Variants in NALCN observed in about 807,000 individuals in gnomAD.
The protein encoded by NALCN is sodium leak channel NALCN.
NALCN carries 111 observed loss-of-function variants against 225.3 expected under a neutral mutation model. The ratio of observed to expected loss-of-function variants is 0.49; its 90% CI spans 0.42 to 0.58. The LOEUF (loss-of-function observed/expected upper bound fraction) is 0.58. NALCN is among the 20% of genes least tolerant of loss of function. The pLI is 0.00. For synonymous variants in NALCN, 764 were observed against 769.0 expected, an observed-to-expected ratio of 0.99 and a Z score of 0.11; for missense variants, 1,378 against 2,202.4, an observed-to-expected ratio of 0.63 and a Z score of 7.49.
intron 40 of NALCN, among the ~76,000 whole-genome samples, chr13:101,062,594 C>T (rs2032043782): frequency 6.6e-6 from 1 of 151,954 alleles, no homozygotes; most frequent in African/African-American, 2.4e-5. Context: ...TCTGTATCTT[C>T]CTTATTAATT....
chr13:101,356,603 T>C (rs1003376227), intron 6 of NALCN, among the ~76,000 whole-genome samples: 1 of 151,962 alleles, frequency 6.6e-6, no homozygotes, highest in Non-Finnish European at 1.5e-5. Context: ...CTACCAGAGG[T>C]ACAAAGAGGA....
At chr13:101,111,345 A>G (rs2035426199) in intron 18 of NALCN, 119 bp from the exon 19 acceptor site, 2 of 734,650 alleles carry the variant, frequency 2.7e-6, no homozygotes, top group Non-Finnish European at 4.2e-6. Context: ...CACAAAATAC[A>G]GCAAATAACG....
intron 18 of NALCN, among the ~76,000 whole-genome samples, chr13:101,114,435 CTCT>C (rs2035602043): frequency 6.6e-6 from 1 of 152,148 alleles, no homozygotes; most frequent in South Asian, 2.1e-4. Context: ...TTCTCTCTCT[CTCT>C]CTCTCTCTCT....
At chr13:101,312,073 C>T (rs2044367601) in intron 7 of NALCN, among the ~76,000 whole-genome samples, 1 of 152,124 alleles carries the variant, frequency 6.6e-6, no homozygotes, top group Admixed American at 6.5e-5. Context: ...TCAACTTCTT[C>T]CTGGTTTAGT....
intron 6 of NALCN, chr13:101,373,099 T>C: frequency 5.2e-6 from 2 of 384,428 alleles, no homozygotes; most frequent in South Asian, 4.1e-5. Flanking sequence ...GGTAAGCTCT[T>C]TGAAAAGCAA....
At chr13:101,183,317 G>T (rs960761602) in intron 14 of NALCN, among the ~76,000 whole-genome samples, 15 of 152,130 alleles carry the variant, frequency 9.9e-5, no homozygotes, top group African/African-American at 2.7e-4. Flanking sequence ...ATTTTACAGG[G>T]ACTTGCCACA....
At position 101,067,195 on chromosome 13, in the gene NALCN, G is replaced by C. The variant is rs544251610; in HGVS notation, c.4446+723C>G. Among the ~76,000 whole-genome samples, 574 of 148,868 alleles carry C rather than the reference G, an allele frequency of 3.9e-3. 1 individual carries two copies. Among genetic ancestry groups the C allele is most frequent in the Non-Finnish European group, 6.9e-3 (463 of 67,290 alleles). On this transcript the variant is annotated intron_variant, in intron 39 of 43. Transcript: ENST00000251127. ...ACAGGAGGAAGTGGAGAAGGAGGAG[G>C]TGGGGGAGGAGAAGGTAGAGGAAGG...
chr13:101,287,708 G>T (rs935324234), intron 9 of NALCN, among the ~76,000 whole-genome samples: 5 of 152,116 alleles, frequency 3.3e-5, no homozygotes, highest in African/African-American at 4.8e-5. Flanking sequence ...ATTTGGAAGC[G>T]CATGGAGATT....
Position 101,075,160 on chromosome 13 carries a change from G to A in NALCN, c.3955-498C>T, listed in dbSNP as rs140777060. On this transcript the variant is annotated intron_variant, in intron 35 of 43. Transcript: ENST00000251127. ...ATATGGAATGTATATATGAAATAAC[G>A]TTTGTAATAAAAAAGGAAACAGCAT... Among the ~76,000 whole-genome samples the A allele has an allele frequency of 3.2e-3, 487 of 152,036 alleles. 4 individuals carry two copies. Among genetic ancestry groups the A allele is most frequent in the African/African-American group, 0.011 (461 of 41,476 alleles).
intron 1 of NALCN, among the ~76,000 whole-genome samples, chr13:101,407,495 A>C (rs1324094480): frequency 6.6e-6 from 1 of 152,252 alleles, no homozygotes; most frequent in Non-Finnish European, 1.5e-5. Flanking sequence ...ACTGTGCATA[A>C]TTATAGAATA....
intron 17 of NALCN, among the ~76,000 whole-genome samples, chr13:101,130,656 C>T (rs575964975): frequency 6.6e-6 from 1 of 152,160 alleles, no homozygotes; most frequent in Non-Finnish European, 1.5e-5. Flanking sequence ...GCCTGGGCAT[C>T]CTATATATGT....
chr13:101,254,878 G>A (rs1475063657), intron 11 of NALCN, among the ~76,000 whole-genome samples: 2 of 111,060 alleles, frequency 1.8e-5, no homozygotes, highest in African/African-American at 3.4e-5. Context: ...GCGACAGAGC[G>A]AGACTCTGTC....
At chr13:101,305,220 G>A (rs2044116713) in intron 7 of NALCN, among the ~76,000 whole-genome samples, 1 of 152,158 alleles carries the variant, frequency 6.6e-6, no homozygotes, top group Non-Finnish European at 1.5e-5. Flanking sequence ...ATGAAGAAAT[G>A]GAGTTGAATG....
intron 12 of NALCN, among the ~76,000 whole-genome samples, chr13:101,235,573 A>C (rs1300217629): frequency 1.3e-5 from 2 of 152,200 alleles, no homozygotes; most frequent in African/African-American, 4.8e-5. Flanking sequence ...AATGTTTGGA[A>C]AGCACATTTT....
chr13:101,342,922 T>A (rs1033203185), intron 7 of NALCN, among the ~76,000 whole-genome samples: 2 of 152,216 alleles, frequency 1.3e-5, no homozygotes, highest in African/African-American at 2.4e-5. Flanking sequence ...AGAAATTTTA[T>A]AAGTGAATTG....
Position 101,055,152 on chromosome 13 carries a change from G to A in NALCN, c.*143C>T. 2.8e-6 allele frequency: 2 copies of A among 715,790 alleles called. No individual in the cohort carries two copies. Among genetic ancestry groups the A allele is most frequent in the Non-Finnish European group, 4.5e-6 (2 of 446,206 alleles). 44.3% of individuals were successfully genotyped at this position (715,790 alleles called of 1,614,324 possible). Reference sequence around the variant, plus strand: ...ATACATGCAGCTTATGCCTTTCTGTGGCAGGATGAAAATCAATTTATAAAC... The same window carrying A: ...ATACATGCAGCTTATGCCTTTCTGTAGCAGGATGAAAATCAATTTATAAAC... On this transcript the variant is annotated 3_prime_UTR_variant, in exon 44 of 44. Transcript: ENST00000251127.
At chr13:101,152,786 G>A (rs1473918752) in intron 15 of NALCN, among the ~76,000 whole-genome samples, 1 of 151,820 alleles carries the variant, frequency 6.6e-6, no homozygotes, top group Non-Finnish European at 1.5e-5. Flanking sequence ...TCTGTCCTTT[G>A]TTACTCCACT....
Position 101,376,957 on chromosome 13 carries a change from G to A in NALCN, c.475C>T (p.Arg159Ter), listed in dbSNP as rs771015295. The part of the protein sequence containing the change: ...IMIRAFRIYF[R>*]FELPRTRITN... ...ATTCTGGTCCTTGGCAGTTCAAATC[G>A]GAAATAAATCCGGAATGCTCGGATC... Residue 159 changes from arginine (R) to a stop codon, truncating the protein, a stop_gained, in exon 5 of 44, where the codon CGA (arginine) becomes TGA (stop). Coordinates refer to ENST00000251127, the MANE Select transcript of NALCN (RefSeq NM_052867.4). LOFTEE classifies it high-confidence loss of function. 6 of 1,614,002 alleles carry A rather than the reference G, an allele frequency of 3.7e-6. No homozygotes were observed. The highest frequency in any genetic ancestry group is 2.2e-5 in the South Asian group (2 of 91,090).
chr13:101,286,118 A>T (rs2043329174), intron 9 of NALCN, among the ~76,000 whole-genome samples: 1 of 152,230 alleles, frequency 6.6e-6, no homozygotes, highest in African/African-American at 2.4e-5. Flanking sequence ...ATTATACAAC[A>T]TTTAGATTGG....
Sources: gnomAD v4.1 joint callset for allele counts (sites outside exome capture counted in the v4.1 genomes callset) on GRCh38, gnomAD v4.1.1 for gene constraint, MANE v1.5 for transcripts, NCBI Gene and HGNC (gene_info 2026-07-23, HGNC 2026-07-21) for gene names.